Variants in RABGAP1L observed in about 807,000 individuals in gnomAD.
RABGAP1L encodes rab GTPase-activating protein 1-like.
A neutral mutation model predicts 137.7 loss-of-function variants in RABGAP1L; 63 were observed. The observed-to-expected ratio is 0.46, with a 90% CI of 0.37 to 0.56. The LOEUF (loss-of-function observed/expected upper bound fraction) is 0.56, where lower values mean the gene tolerates loss of function less well. Among genes scored for constraint, RABGAP1L ranks in the 20% least tolerant of loss-of-function variants. The pLI is 0.00. For missense variants in RABGAP1L, 1,095 were observed against 1,244.0 expected, an observed-to-expected ratio of 0.88 and a Z score of 1.80; for synonymous variants, 431 against 433.7, an observed-to-expected ratio of 0.99 and a Z score of 0.08.
intron 13 of RABGAP1L, among the ~76,000 whole-genome samples, chr1:174,610,370 A>G (rs1436656972): frequency 1.3e-5 from 2 of 151,446 alleles, no homozygotes; most frequent in African/African-American, 4.9e-5. Context: ...CCATGTCCCT[A>G]CAAAGGACAT....
At chr1:174,700,978 T>A (rs1378781852) in intron 16 of RABGAP1L, 1 of 1,090,788 alleles carries the variant, frequency 9.2e-7, no homozygotes, top group Non-Finnish European at 1.2e-6. Flanking sequence ...TTTTTTCAGT[T>A]AACTGAATGA....
chr1:174,653,341 A>T (rs1675704298), intron 14 of RABGAP1L, among the ~76,000 whole-genome samples: 1 of 152,106 alleles, frequency 6.6e-6, no homozygotes, highest in South Asian at 2.1e-4. Flanking sequence ...GGGGTATTAA[A>T]AAAAACTCCT....
rs57707616 is a variant in RABGAP1L at position 174,527,901 on chromosome 1, CTTTTT to C, written c.1711-109460_1711-109456del. 5.6e-5 allele frequency among the ~76,000 whole-genome samples: 7 copies of C among 124,824 alleles called. No individual in the cohort carries two copies. The East Asian group carries it at 1.6e-3, about 29-fold the overall frequency. The allele number at this position is 124,824 out of a possible 152,430, so 81.9% of individuals were successfully genotyped here. A position where few individuals can be genotyped will look rare whatever the true frequency, so the allele number is the denominator to read the frequency against. Reference sequence around the variant, plus strand: ...AATTACTTTATCATTATATACTTGTCTTTTTTTTTTTTTTTTTTACCTTATTTTGA... The same window carrying C: ...AATTACTTTATCATTATATACTTGTCTTTTTTTTTTTTTACCTTATTTTGA... On this transcript the variant is annotated intron_variant, in intron 13 of 25. Transcript: ENST00000681986.
rs185845392 is a variant in RABGAP1L at position 174,968,814 on chromosome 1, A to G, written c.2434-463A>G. Among the ~76,000 whole-genome samples, 8 of 152,336 alleles carry G rather than the reference A, an allele frequency of 5.3e-5. No homozygotes were observed. In the East Asian group the frequency reaches 1.3e-3, roughly 26 times the overall value. On this transcript the variant is annotated intron_variant, in intron 20 of 25. Transcript: ENST00000681986. ...GATTTAGAGCTCTTAAATATACTCA[A>G]TATGAACCCTGTCTTAGAAAAACAA...
At chr1:174,209,946 GTC>G (rs1175758928) in intron 1 of RABGAP1L, among the ~76,000 whole-genome samples, 1 of 152,186 alleles carries the variant, frequency 6.6e-6, no homozygotes, top group African/African-American at 2.4e-5. Context: ...GAGAATAAAA[GTC>G]TCTGCCTGGT....
intron 13 of RABGAP1L, among the ~76,000 whole-genome samples, chr1:174,554,038 C>T (rs1666722981): frequency 6.6e-6 from 1 of 152,056 alleles, no homozygotes; most frequent in South Asian, 2.1e-4. Context: ...ATCAATATTC[C>T]TCCTCTTCAA....
At chr1:174,898,657 C>T (rs1219006871) in intron 19 of RABGAP1L, among the ~76,000 whole-genome samples, 3 of 152,122 alleles carry the variant, frequency 2.0e-5, no homozygotes, top group Non-Finnish European at 2.9e-5. Context: ...AACAGCAGTT[C>T]TCTGTTGGGC....
chr1:174,660,440 A>C (rs534762858), intron 14 of RABGAP1L, among the ~76,000 whole-genome samples: 2 of 152,260 alleles, frequency 1.3e-5, no homozygotes, highest in South Asian at 4.2e-4. Context: ...GTTTTTTAGG[A>C]AATCTTACTG....
At chr1:174,820,058 G>A (rs1304340729) in intron 19 of RABGAP1L, among the ~76,000 whole-genome samples, 1 of 152,158 alleles carries the variant, frequency 6.6e-6, no homozygotes, top group African/African-American at 2.4e-5. Flanking sequence ...AAACATGGAA[G>A]AGCTTTTAGA....
intron 13 of RABGAP1L, among the ~76,000 whole-genome samples, chr1:174,511,225 C>T (rs10912797): frequency 0.58 from 88,286 of 152,026 alleles, 27,950 homozygotes; most frequent in African/African-American, 0.85. Flanking sequence ...ATAAATGTGT[C>T]TATAAGGTAC....
intron 13 of RABGAP1L, among the ~76,000 whole-genome samples, chr1:174,509,917 C>A (rs2281010): frequency 0.21 from 32,177 of 152,050 alleles, 3,731 homozygotes; most frequent in Admixed American, 0.25. Flanking sequence ...TCATCAAATT[C>A]ATCTCCTTCA....
intron 17 of RABGAP1L, among the ~76,000 whole-genome samples, chr1:174,730,924 A>G (rs1682412085): frequency 6.6e-6 from 1 of 152,234 alleles, no homozygotes; most frequent in Non-Finnish European, 1.5e-5. Context: ...TAAGGACAAT[A>G]CTACCCTTTC....
intron 11 of RABGAP1L, among the ~76,000 whole-genome samples, chr1:174,364,000 CA>C (rs1188594600): frequency 6.6e-6 from 1 of 151,652 alleles, no homozygotes; most frequent in Non-Finnish European, 1.5e-5. Flanking sequence ...TATTGGCCTA[CA>C]GTTTCCCTTT....
chr1:174,711,045 G>A (rs1052355239), intron 17 of RABGAP1L, among the ~76,000 whole-genome samples: 18 of 152,140 alleles, frequency 1.2e-4, no homozygotes, highest in African/African-American at 4.1e-4. Context: ...GCGAGAAGTC[G>A]AGCACAGCAG....
intron 13 of RABGAP1L, among the ~76,000 whole-genome samples, chr1:174,587,776 T>C (rs1669233306): frequency 6.7e-6 from 1 of 150,264 alleles, no homozygotes; most frequent in African/African-American, 2.4e-5. Flanking sequence ...TGCATGACAA[T>C]AACATCAGGG....
chr1:174,651,688 G>A (rs1296712020), intron 14 of RABGAP1L, among the ~76,000 whole-genome samples: 1 of 152,002 alleles, frequency 6.6e-6, no homozygotes, highest in Non-Finnish European at 1.5e-5. Context: ...CATTTGCTTG[G>A]TAGATCTTCC....
intron 13 of RABGAP1L, among the ~76,000 whole-genome samples, chr1:174,530,862 A>G (rs938664273): frequency 1.5e-4 from 23 of 152,184 alleles, no homozygotes; most frequent in African/African-American, 5.1e-4. Context: ...GGGAACATGC[A>G]GGGTATTAAA....
chr1:174,412,100 T>G (rs1650003380), intron 13 of RABGAP1L, among the ~76,000 whole-genome samples: 2 of 152,150 alleles, frequency 1.3e-5, no homozygotes, highest in Admixed American at 6.6e-5. Flanking sequence ...CCACTATTAC[T>G]GTGTGGCTAA....
chr1:174,693,932 A>T (rs1184657784), intron 15 of RABGAP1L, among the ~76,000 whole-genome samples: 1 of 152,256 alleles, frequency 6.6e-6, no homozygotes, highest in Non-Finnish European at 1.5e-5. Context: ...AGATACATAT[A>T]TTCAGTCTGC....
Sources: allele counts gnomAD v4.1 joint callset (sites outside exome capture counted in the v4.1 genomes callset), GRCh38; gene constraint gnomAD v4.1.1; transcripts MANE v1.5; gene names NCBI Gene and HGNC (gene_info 2026-07-23, HGNC 2026-07-21).